Variants in FMN1 observed in about 807,000 individuals in gnomAD.
FMN1 encodes the protein formin-1.
A neutral mutation model predicts 132.4 loss-of-function variants in FMN1; 110 were observed. The ratio of observed to expected loss-of-function variants is 0.83; its 90% CI spans 0.71 to 0.97. The LOEUF (loss-of-function observed/expected upper bound fraction) is 0.97, where lower values mean the gene tolerates loss of function less well. Ranked by LOEUF, FMN1 falls within the 50% of genes least tolerant of loss-of-function variation. The probability of loss-of-function intolerance (pLI) is 0.00; values close to 1 mark genes in which losing one functional copy is unlikely to be tolerated. For synonymous variants in FMN1, 722 were observed against 651.7 expected (o/e 1.11, Z -1.64); for missense variants, 1,792 against 1,705.3 (o/e 1.05, Z -0.90).
chr15:33,065,913 A>G (rs1397840364), intron 5 of FMN1, among the ~76,000 whole-genome samples: 2 of 152,186 alleles, frequency 1.3e-5, no homozygotes, highest in East Asian at 1.9e-4. Flanking sequence ...TAACAACCAT[A>G]TAACCATTTT....
chr15:33,092,485 T>A (rs2038938262), intron 4 of FMN1, among the ~76,000 whole-genome samples: 1 of 152,144 alleles, frequency 6.6e-6, no homozygotes, highest in African/African-American at 2.4e-5. Flanking sequence ...AGTGTGCCAA[T>A]TAAGGCTGTA....
Position 32,872,929 on chromosome 15 carries a change from G to A in FMN1, c.3835+15243C>T, listed in dbSNP as rs551816301. On this transcript the variant is annotated intron_variant, in intron 16 of 20. Transcript: ENST00000616417. The stretch of plus-strand genomic sequence containing the variant: ...GAGAAATGACAGAAAGGCATAAAGA[G>A]AAGAGAGGGAAAAAAAAAAGGATGG... Among the ~76,000 whole-genome samples, 390 of 140,276 alleles carry A rather than the reference G, an allele frequency of 2.8e-3. 3 individuals are homozygous for A. The highest frequency in any genetic ancestry group is 0.011 in the African/African-American group (383 of 35,816). 92.0% of individuals were successfully genotyped at this position (140,276 alleles called of 152,430 possible). A position where few individuals can be genotyped will look rare whatever the true frequency, so the allele number is the denominator to read the frequency against.
intron 7 of FMN1, among the ~76,000 whole-genome samples, chr15:33,001,670 T>G (rs2034122568): frequency 1.4e-5 from 2 of 140,896 alleles, no homozygotes; most frequent in African/African-American, 2.6e-5. Flanking sequence ...GACATTGGAC[T>G]TTCCTCCTCC....
chr15:32,926,228 T>C lies in FMN1; in HGVS notation c.3172A>G (p.Thr1058Ala). Reference protein sequence around the residue: ...IKLLDGKRSQTVGILISSLHL... With the variant: ...IKLLDGKRSQAVGILISSLHL... Reference sequence around the variant, plus strand: ...AAACTAGATATCAAGATTCCCACAGTTTGAGATCGTTTTCCATCCAACAAT... The same window carrying C: ...AAACTAGATATCAAGATTCCCACAGCTTGAGATCGTTTTCCATCCAACAAT... The change falls in exon 10 of 21, where the codon ACT becomes GCT. Residue 1058 changes from threonine (T) to alanine (A), a missense_variant. Physicochemically the swap from Thr to Ala is moderately conservative, Grantham distance 58 (BLOSUM62 0). Coordinates refer to ENST00000616417, the MANE Select transcript of FMN1 (RefSeq NM_001277313.2). 1 of 1,559,778 alleles carries C rather than the reference T, an allele frequency of 6.4e-7. No homozygotes were observed. The highest frequency in any genetic ancestry group is 2.0e-5 in the Admixed American group (1 of 49,634).
At chr15:33,086,470 G>C (rs2038700308) in intron 5 of FMN1, among the ~76,000 whole-genome samples, 1 of 151,668 alleles carries the variant, frequency 6.6e-6, no homozygotes, top group South Asian at 2.1e-4. Context: ...GATTGTGTAG[G>C]ATTTTTATAA....
intron 4 of FMN1, among the ~76,000 whole-genome samples, chr15:33,105,195 A>T (rs1158514993): frequency 6.6e-6 from 1 of 152,100 alleles, no homozygotes; most frequent in Non-Finnish European, 1.5e-5. Context: ...TGGATGTTTC[A>T]TTACTAAATG....
chr15:32,903,515 A>G (rs2060346745), intron 12 of FMN1, among the ~76,000 whole-genome samples: 1 of 151,872 alleles, frequency 6.6e-6, no homozygotes, highest in Non-Finnish European at 1.5e-5. Context: ...TTCTGAAAGA[A>G]GGGCCCTGCA....
chr15:33,112,085 T>C (rs2039729307), intron 4 of FMN1, among the ~76,000 whole-genome samples: 1 of 152,282 alleles, frequency 6.6e-6, no homozygotes, highest in East Asian at 1.9e-4. Flanking sequence ...TTCATGTCTA[T>C]GAAAACAAAA....
chr15:33,128,331 G>T (rs1963318241), intron 4 of FMN1, among the ~76,000 whole-genome samples: 1 of 152,178 alleles, frequency 6.6e-6, no homozygotes, highest in Admixed American at 6.5e-5. Context: ...AACGGGGTCT[G>T]ATTCCGGGCC....
intron 6 of FMN1, among the ~76,000 whole-genome samples, chr15:33,042,717 A>G (rs114237631): frequency 3.1e-4 from 47 of 152,296 alleles, no homozygotes; most frequent in African/African-American, 1.1e-3. Flanking sequence ...AACAGCTTAC[A>G]TTACTTTGGT....
chr15:32,903,104 G>A (rs1390395026), intron 12 of FMN1, among the ~76,000 whole-genome samples: 1 of 152,062 alleles, frequency 6.6e-6, no homozygotes, highest in African/African-American at 2.4e-5. Flanking sequence ...GGGAGATTTG[G>A]GTTTTAATTA....
intron 6 of FMN1, among the ~76,000 whole-genome samples, chr15:33,057,969 G>C (rs1370048503): frequency 1.3e-5 from 2 of 152,198 alleles, no homozygotes; most frequent in Admixed American, 1.3e-4. Flanking sequence ...GAACTAAACT[G>C]CAAGTGAAAA....
intron 9 of FMN1, among the ~76,000 whole-genome samples, chr15:32,938,040 G>A (rs1245834585): frequency 2.0e-5 from 3 of 151,916 alleles, no homozygotes; most frequent in East Asian, 1.9e-4. Context: ...GAAGTAGACA[G>A]GAGGAAAAAA....
chr15:32,825,515 C>G (rs1188880852), intron 17 of FMN1, among the ~76,000 whole-genome samples: 1 of 152,166 alleles, frequency 6.6e-6, no homozygotes, highest in African/African-American at 2.4e-5. Flanking sequence ...TTCTACTCTC[C>G]CTACTCTTTT....
intron 14 of FMN1, 107 bp from the exon 15 acceptor site, chr15:32,899,000 G>T: frequency 1.3e-6 from 1 of 763,980 alleles, no homozygotes; most frequent in Admixed American, 2.2e-5. Flanking sequence ...CGTGAAAACT[G>T]GCTTTCTCTT....
chr15:32,966,354 T>C (rs188760405), intron 8 of FMN1, among the ~76,000 whole-genome samples: 18 of 152,280 alleles, frequency 1.2e-4, no homozygotes, highest in Non-Finnish European at 2.2e-4. Flanking sequence ...TTTGGAACAC[T>C]GCCTCTCAGT....
intron 7 of FMN1, among the ~76,000 whole-genome samples, chr15:32,980,016 A>G (rs894576227): frequency 6.6e-6 from 1 of 152,198 alleles, no homozygotes; most frequent in African/African-American, 2.4e-5. Flanking sequence ...GAAATCTGCC[A>G]TTGAATGGGT....
intron 4 of FMN1, among the ~76,000 whole-genome samples, chr15:33,103,623 C>T (rs915522753): frequency 3.9e-5 from 6 of 152,056 alleles, no homozygotes; most frequent in Non-Finnish European, 7.4e-5. Flanking sequence ...TGTTGTTTCT[C>T]ATCCTCCCTT....
At chr15:32,865,952 A>G (rs1438136092) in intron 16 of FMN1, among the ~76,000 whole-genome samples, 1 of 152,140 alleles carries the variant, frequency 6.6e-6, no homozygotes. Flanking sequence ...GAAAATTAAA[A>G]CAATAGCTTT....
Sources: allele counts gnomAD v4.1 joint callset (sites outside exome capture counted in the v4.1 genomes callset), GRCh38; gene constraint gnomAD v4.1.1; transcripts MANE v1.5; gene names NCBI Gene and HGNC (gene_info 2026-07-23, HGNC 2026-07-21).